The following STK32B variants were observed in gnomAD, a reference collection of about 807,000 sequenced individuals.
STK32B encodes serine/threonine kinase 32B, also known as serine/threonine-protein kinase 32B.
A neutral mutation model predicts 52.6 loss-of-function variants in STK32B; 43 were observed. The observed-to-expected ratio is 0.82, with a 90% CI of 0.64 to 1.05. The LOEUF is 1.05. STK32B is among the 50% of genes least tolerant of loss of function. STK32B has a pLI of 0.00. For missense variants in STK32B, 621 were observed against 534.6 expected, an observed-to-expected ratio of 1.16 and a Z score of -1.59; for synonymous variants, 238 against 204.3, an observed-to-expected ratio of 1.17 and a Z score of -1.41.
chr4:5,298,362 A>T (rs1023174980), intron 3 of STK32B, among the ~76,000 whole-genome samples: 2 of 152,124 alleles, frequency 1.3e-5, no homozygotes, highest in African/African-American at 4.8e-5. Flanking sequence ...AGGAATGTTT[A>T]AGTCTGCTGA....
At chr4:5,384,399 G>A (rs1736115118) in intron 4 of STK32B, among the ~76,000 whole-genome samples, 1 of 152,058 alleles carries the variant, frequency 6.6e-6, no homozygotes. Flanking sequence ...CGAGACTTGG[G>A]GAGTAAAAGG....
chr4:5,162,558 G>A (rs923078780), intron 2 of STK32B, among the ~76,000 whole-genome samples: 22 of 152,266 alleles, frequency 1.4e-4, no homozygotes, highest in South Asian at 1.0e-3. Flanking sequence ...GCTGAAATCC[G>A]TGCTAGCTAG....
At chr4:5,311,876 T>C (rs1036070252) in intron 3 of STK32B, among the ~76,000 whole-genome samples, 2 of 151,372 alleles carry the variant, frequency 1.3e-5, no homozygotes, top group African/African-American at 4.9e-5. Flanking sequence ...CAGTTTCTTC[T>C]GGAAATGGAA....
chr4:5,327,450 C>T (rs1560323026), intron 3 of STK32B, among the ~76,000 whole-genome samples: 2 of 151,690 alleles, frequency 1.3e-5, no homozygotes, highest in Non-Finnish European at 2.9e-5. Context: ...AAAATTACTT[C>T]TTTATCCATT....
At chr4:5,243,790 G>A (rs563375860) in intron 3 of STK32B, among the ~76,000 whole-genome samples, 3 of 152,016 alleles carry the variant, frequency 2.0e-5, no homozygotes, top group South Asian at 2.1e-4. Context: ...TAGCATGAAG[G>A]GTTGTTGAAT....
chr4:5,187,988 G>A lies in STK32B; in HGVS notation c.260+19538G>A, dbSNP rs371254643. On this transcript the variant is annotated intron_variant, in intron 3 of 11. Transcript: ENST00000282908. The stretch of plus-strand genomic sequence containing the variant: ...TCCTCTTCCTAGGTGTGTACCCCTT[G>A]AAAGCCTCAGTTTCCTCGTGTAGGG... Among the ~76,000 whole-genome samples, 9 of 152,144 alleles carry A rather than the reference G, an allele frequency of 5.9e-5. No homozygotes were observed. In the East Asian group the frequency reaches 1.5e-3, roughly 26 times the overall value.
chr4:5,226,127 A>C (rs1042369414), intron 3 of STK32B, among the ~76,000 whole-genome samples: 3 of 152,244 alleles, frequency 2.0e-5, no homozygotes, highest in Admixed American at 2.0e-4. Flanking sequence ...CTCAGGTTCT[A>C]AATGTGAAGA....
chr4:5,437,564 G>C (rs1046187863), intron 6 of STK32B, among the ~76,000 whole-genome samples: 4 of 152,182 alleles, frequency 2.6e-5, no homozygotes, highest in African/African-American at 9.7e-5. Flanking sequence ...CATTTACAAA[G>C]ACCTTATTTT....
chr4:5,418,059 A>G (rs1476097889), intron 6 of STK32B, among the ~76,000 whole-genome samples: 2 of 152,228 alleles, frequency 1.3e-5, no homozygotes, highest in Non-Finnish European at 2.9e-5. Context: ...CTGTTGGCCA[A>G]GGCAAGTCAC....
intron 11 of STK32B, among the ~76,000 whole-genome samples, chr4:5,474,247 C>T (rs577658106): frequency 7.2e-5 from 11 of 152,308 alleles, no homozygotes; most frequent in South Asian, 2.1e-4. Context: ...CGTGAGCCAG[C>T]GCCAATGAGG....
chr4:5,022,990 G>T, the STK32B span, among the ~76,000 whole-genome samples: 1 of 151,866 alleles, frequency 6.6e-6, no homozygotes, highest in Admixed American at 6.6e-5. Flanking sequence ...AAGCGGGGTA[G>T]GTATGAAGGC....
At chr4:5,143,544 T>G (rs1716668732) in intron 2 of STK32B, among the ~76,000 whole-genome samples, 1 of 152,128 alleles carries the variant, frequency 6.6e-6, no homozygotes, top group South Asian at 2.1e-4. Context: ...GGTGAAGAGT[T>G]GAAGTTTCCC....
chr4:5,381,460 C>A (rs1735926039), intron 4 of STK32B, among the ~76,000 whole-genome samples: 2 of 152,200 alleles, frequency 1.3e-5, no homozygotes, highest in African/African-American at 4.8e-5. Flanking sequence ...GCAGCACTAA[C>A]ACAGTAACAA....
chr4:5,446,162 C>T (rs372333257), intron 6 of STK32B, among the ~76,000 whole-genome samples: 61 of 152,356 alleles, frequency 4.0e-4, no homozygotes, highest in Admixed American at 1.0e-3. Flanking sequence ...GGTAGTGTCA[C>T]GCCAGTGCTT....
chr4:5,090,656 C>A (rs1249601644), intron 1 of STK32B, among the ~76,000 whole-genome samples: 2 of 152,130 alleles, frequency 1.3e-5, no homozygotes, highest in Non-Finnish European at 2.9e-5. Flanking sequence ...AGCTACTACT[C>A]CTGGCCTTTA....
intron 1 of STK32B, among the ~76,000 whole-genome samples, chr4:5,054,106 T>C (rs1439515299): frequency 3.3e-5 from 5 of 152,190 alleles, no homozygotes; most frequent in African/African-American, 1.2e-4. Flanking sequence ...ACACGTTTCC[T>C]AGTACAGGTA....
chr4:5,091,733 T>C (rs887968565), intron 1 of STK32B, among the ~76,000 whole-genome samples: 7 of 152,156 alleles, frequency 4.6e-5, no homozygotes, highest in African/African-American at 9.7e-5. Context: ...CTGAAGAGAA[T>C]TGAAAATAAG....
intron 3 of STK32B, among the ~76,000 whole-genome samples, chr4:5,300,125 A>G (rs889664992): frequency 7.2e-5 from 11 of 152,168 alleles, no homozygotes; most frequent in African/African-American, 1.7e-4. Flanking sequence ...GGATGCATGG[A>G]TGATATGCAA....
chr4:5,466,712 T>G lies in STK32B; in HGVS notation c.919T>G (p.Leu307Val). 6.2e-6 allele frequency: 10 copies of G among 1,613,236 alleles called. No homozygotes were observed. The highest frequency in any genetic ancestry group is 8.5e-6 in the Non-Finnish European group (10 of 1,179,648). Residue 307 changes from leucine to valine, a missense_variant, in exon 10 of 12, where the codon TTG becomes GTG. Transcript: ENST00000282908. ...TTCTACTCCCCTTTAGAAAGGGAGG[T>G]TGAACTGCGATCCCACATTTGAGCT... ...MPGFVPNKGR[L>V]NCDPTFELEE...
Sources: gnomAD v4.1 joint callset for allele counts (sites outside exome capture counted in the v4.1 genomes callset) on GRCh38, gnomAD v4.1.1 for gene constraint, MANE v1.5 for transcripts, NCBI Gene and HGNC (gene_info 2026-07-23, HGNC 2026-07-21) for gene names.